The following RNF150 variants were observed in gnomAD, a reference collection of about 807,000 sequenced individuals.
RNF150 encodes the protein ring finger protein 150.
In RNF150, 24 loss-of-function variants were observed where a neutral mutation model predicts 39.3. The observed-to-expected ratio is 0.61, with a 90% CI of 0.44 to 0.86. The LOEUF (loss-of-function observed/expected upper bound fraction) is 0.86, where lower values mean the gene tolerates loss of function less well. Among genes scored for constraint, RNF150 ranks in the 40% least tolerant of loss-of-function variants. RNF150 has a pLI of 0.00. For synonymous variants in RNF150, 255 were observed against 227.3 expected (o/e 1.12, Z -1.10); for missense variants, 502 against 587.8 (o/e 0.85, Z 1.51).
chr4:140,967,577 A>G (rs1296063230), intron 2 of RNF150, 46 bp downstream of exon 2: 1 of 1,533,164 alleles, frequency 6.5e-7, no homozygotes, highest in African/African-American at 1.4e-5. Context: ...GTTTAATAAC[A>G]TTTTTGTAAC....
intron 1 of RNF150, among the ~76,000 whole-genome samples, chr4:141,052,349 TCA>T (rs1736807003): frequency 6.6e-6 from 1 of 152,142 alleles, no homozygotes; most frequent in African/African-American, 2.4e-5. Context: ...ACGTAATATT[TCA>T]CATTAGCAAC....
upstream of RNF150, among the ~76,000 whole-genome samples, chr4:141,136,340 C>T (rs936572112): frequency 4.0e-5 from 6 of 151,748 alleles, no homozygotes; most frequent in Non-Finnish European, 5.9e-5. Flanking sequence ...CTGCAACTTA[C>T]TCTTAAATGG....
intron 1 of RNF150, among the ~76,000 whole-genome samples, chr4:141,025,234 C>A (rs1224649318): frequency 2.6e-5 from 4 of 151,822 alleles, no homozygotes; most frequent in Non-Finnish European, 4.4e-5. Context: ...GAACAAATAC[C>A]AGGCAGATGA....
At chr4:140,975,470 T>C (rs999388400) in intron 1 of RNF150, among the ~76,000 whole-genome samples, 3 of 152,056 alleles carry the variant, frequency 2.0e-5, no homozygotes, top group Non-Finnish European at 4.4e-5. Context: ...ATATTTCCCA[T>C]TGTGTGTGTA....
At chr4:141,187,836 A>G (rs1425408293) in intron 1 of RNF150, among the ~76,000 whole-genome samples, 2 of 152,338 alleles carry the variant, frequency 1.3e-5, no homozygotes, top group East Asian at 3.9e-4. Flanking sequence ...TGGGGCATTT[A>G]GCCCATTTAT....
intron 1 of RNF150, among the ~76,000 whole-genome samples, chr4:140,972,003 C>T (rs1733484172): frequency 6.6e-6 from 1 of 151,810 alleles, no homozygotes; most frequent in East Asian, 1.9e-4. Flanking sequence ...CTCAGTCTCA[C>T]TGTTGGCCCT....
intron 1 of RNF150, among the ~76,000 whole-genome samples, chr4:141,191,611 A>G (rs1029010684): frequency 3.3e-5 from 5 of 152,222 alleles, no homozygotes; most frequent in African/African-American, 1.2e-4. Context: ...GTGCTTGGAT[A>G]TATATACTGC....
At chr4:141,159,510 A>ATTG (rs1381664205) in intron 1 of RNF150, among the ~76,000 whole-genome samples, 3 of 151,554 alleles carry the variant, frequency 2.0e-5, no homozygotes, top group Non-Finnish European at 2.9e-5. Flanking sequence ...CTGACCCCTA[A>ATTG]TTGTTGTTGT....
chr4:141,179,525 A>G (rs1419972569), intron 1 of RNF150, among the ~76,000 whole-genome samples: 1 of 152,156 alleles, frequency 6.6e-6, no homozygotes, highest in East Asian at 1.9e-4. Context: ...TCCTTTCACA[A>G]CTGCTTAAAC....
At chr4:141,049,268 T>TAA (rs1052955994) in intron 1 of RNF150, among the ~76,000 whole-genome samples, 1 of 116,478 alleles carries the variant, frequency 8.6e-6, no homozygotes, top group Non-Finnish European at 1.9e-5. Flanking sequence ...GCCAACAAAA[T>TAA]AAAAAAAAAA....
chr4:141,067,951 CTTT>C (rs59761096), intron 1 of RNF150, among the ~76,000 whole-genome samples: 1 of 145,730 alleles, frequency 6.9e-6, no homozygotes. Context: ...AGTCAAGATA[CTTT>C]TTTTTTTTTT....
intron 1 of RNF150, among the ~76,000 whole-genome samples, chr4:141,019,432 G>A (rs1735402463): frequency 2.0e-5 from 3 of 151,984 alleles, no homozygotes; most frequent in Admixed American, 1.3e-4. Flanking sequence ...TTGACTAAAA[G>A]ACTATATTTA....
In RNF150 at chr4:140,891,723, G is replaced by T. The variant is rs191934499; in HGVS notation, c.1198+19421C>A. On this transcript the variant is annotated intron_variant, in intron 6 of 6. Coordinates refer to ENST00000515673, the MANE Select transcript of RNF150 (RefSeq NM_020724.2). ...CATCCTTTTGTATATTTTAAACCTG[G>T]GCCACCGACTGGTACCAGTCCATGG... Among the ~76,000 whole-genome samples, 318 of 152,096 alleles carry T rather than the reference G, an allele frequency of 2.1e-3. 2 individuals are homozygous for T. Among genetic ancestry groups the T allele is most frequent in the Non-Finnish European group, 3.5e-4 (24 of 68,000 alleles).
chr4:141,199,857 G>T (rs954917299), intron 1 of RNF150, among the ~76,000 whole-genome samples: 1 of 152,012 alleles, frequency 6.6e-6, no homozygotes, highest in South Asian at 2.1e-4. Flanking sequence ...CTACATTCTC[G>T]TGTCTTCCCC....
chr4:140,872,955 G>GTT (rs906528805), intron 6 of RNF150, among the ~76,000 whole-genome samples: 2 of 152,066 alleles, frequency 1.3e-5, no homozygotes, highest in Non-Finnish European at 2.9e-5. Flanking sequence ...GAGATGAGAG[G>GTT]TTTTTGTTTT....
intron 1 of RNF150, among the ~76,000 whole-genome samples, chr4:141,012,781 C>CAAAAAAAAAAAAAA (rs397995597): frequency 5.6e-5 from 4 of 71,432 alleles, no homozygotes; most frequent in Admixed American, 2.0e-4. Context: ...GACTCTGTCT[C>CAAAAAAAAAAAAAA]AAAAAAAAAA....
intron 4 of RNF150, among the ~76,000 whole-genome samples, chr4:140,935,007 AAAT>A (rs1308457016): frequency 0.011 from 1,142 of 105,262 alleles, 21 homozygotes; most frequent in South Asian, 0.054. Flanking sequence ...ATATATATAT[AAAT>A]ATATATATAT....
At chr4:141,136,425 CATG>C (rs888004056), upstream of RNF150, among the ~76,000 whole-genome samples, 1 of 152,142 alleles carries the variant, frequency 6.6e-6, no homozygotes, top group Non-Finnish European at 1.5e-5. Context: ...GAGCCCAATT[CATG>C]ATATTTTTAA....
At position 141,048,039 on chromosome 4, in the gene RNF150, G is replaced by A. The variant is rs1391315959; in HGVS notation, c.485-80166C>T. Reference sequence around the variant, plus strand: ...CATGGCATTATGGAGAGAATCAGTAGCAGACCAAAAGTGAACAAACAGGGG... The same window carrying A: ...CATGGCATTATGGAGAGAATCAGTAACAGACCAAAAGTGAACAAACAGGGG... On this transcript the variant is annotated intron_variant, in intron 1 of 6. Transcript: ENST00000515673. Among the ~76,000 whole-genome samples, 9 of 152,138 alleles carry A rather than the reference G, an allele frequency of 5.9e-5. No homozygotes were observed. The East Asian group carries it at 1.7e-3, about 29-fold the overall frequency.
Sources: gnomAD v4.1 joint callset for allele counts (sites outside exome capture counted in the v4.1 genomes callset) on GRCh38, gnomAD v4.1.1 for gene constraint, MANE v1.5 for transcripts, NCBI Gene and HGNC (gene_info 2026-07-23, HGNC 2026-07-21) for gene names.